PRSS3: variants seen among roughly 807,000 people sequenced by gnomAD.
The protein encoded by PRSS3 is serine protease 3, also known as trypsin-3.
A neutral mutation model predicts 20.8 loss-of-function variants in PRSS3; 14 were observed. The ratio of observed to expected loss-of-function variants is 0.67; its 90% CI spans 0.44 to 1.05. The LOEUF is 1.05. PRSS3 is among the 50% of genes least tolerant of loss of function. The pLI is 0.00. For synonymous variants in PRSS3, 91 were observed against 117.6 expected (o/e 0.77, Z 1.46); for missense variants, 237 against 306.4 (o/e 0.77, Z 1.69).
intron 1 of PRSS3, chr9:33,762,161 G>A (rs1420224054): frequency 6.6e-6 from 1 of 152,166 alleles, no homozygotes; most frequent in Non-Finnish European, 1.5e-5. Context: ...AACGAGCTGG[G>A]AGGTAACAGA....
intron 1 of PRSS3, among the ~76,000 whole-genome samples, chr9:33,766,531 C>G (rs1189054103): frequency 1.3e-5 from 2 of 151,914 alleles, no homozygotes; most frequent in African/African-American, 2.4e-5. Context: ...AGAGATCGCA[C>G]CACTGCGCTC....
intron 1 of PRSS3, among the ~76,000 whole-genome samples, chr9:33,758,619 T>C (rs1823053799): frequency 6.6e-6 from 1 of 152,252 alleles, no homozygotes; most frequent in Non-Finnish European, 1.5e-5. Context: ...GTGAAATTGA[T>C]ACTCCAGGAT....
intron 1 of PRSS3, among the ~76,000 whole-genome samples, chr9:33,769,987 C>G (rs1165933760): frequency 1.3e-5 from 2 of 152,188 alleles, no homozygotes; most frequent in African/African-American, 4.8e-5. Flanking sequence ...GAAATCCTGT[C>G]TCATATAAAT....
chr9:33,769,776 A>G (rs1823601440), intron 1 of PRSS3, among the ~76,000 whole-genome samples: 1 of 152,216 alleles, frequency 6.6e-6, no homozygotes. Flanking sequence ...TGGGGCCACC[A>G]TTTAGGGTAG....
chr9:33,774,752 G>A (rs1325823760), intron 1 of PRSS3, among the ~76,000 whole-genome samples: 4 of 152,070 alleles, frequency 2.6e-5, no homozygotes, highest in African/African-American at 4.8e-5. Context: ...TTGGGAGGCC[G>A]AGGCAGGTGG....
Position 33,796,755 on chromosome 9 carries a change from C to G in PRSS3, c.153C>G (p.Ser51=), listed in dbSNP as rs141275255. ...CTGGCTCCCACTTCTGCGGTGGCTC[C>G]CTCATCAGCGAACAGTGGGTGGTAT... is the stretch of plus-strand genomic sequence containing the variant. ...LNSGSHFCGG[S]LISEQWVVSA... is the part of the protein sequence containing the mutation. The change falls in exon 2 of 5, where the codon TCC becomes TCG. Residue 51 remains serine, a synonymous_variant. Coordinates refer to ENST00000379405, the MANE Select transcript of PRSS3 (RefSeq NM_002771.4). 1 of 1,614,030 alleles carries G rather than the reference C, an allele frequency of 6.2e-7. No individual in the cohort carries two copies. Among genetic ancestry groups the G allele is most frequent in the Admixed American group, 1.7e-5 (1 of 60,026 alleles).
chr9:33,767,482 A>C (rs141962378), intron 1 of PRSS3, among the ~76,000 whole-genome samples: 5,720 of 152,230 alleles, frequency 0.038, 151 homozygotes, highest in Non-Finnish European at 0.054. Flanking sequence ...TAATCAAGTT[A>C]AAATGAGGTC....
intron 1 of PRSS3, among the ~76,000 whole-genome samples, chr9:33,785,447 G>A (rs1320470238): frequency 6.6e-6 from 1 of 152,070 alleles, no homozygotes; most frequent in East Asian, 1.9e-4. Flanking sequence ...AAAGTGCTGG[G>A]ATTACAGGCG....
At chr9:33,764,604 G>A (rs1823342169) in intron 1 of PRSS3, among the ~76,000 whole-genome samples, 1 of 152,154 alleles carries the variant, frequency 6.6e-6, no homozygotes, top group South Asian at 2.1e-4. Context: ...AAACATAGAA[G>A]TGGGTTTTCT....
upstream of PRSS3, among the ~76,000 whole-genome samples, chr9:33,791,659 G>A (rs904030903): frequency 6.6e-6 from 1 of 152,198 alleles, no homozygotes. Flanking sequence ...CTGTCTAAGG[G>A]AGCCTGGACT....
At chr9:33,757,541 G>A (rs1823007356) in intron 1 of PRSS3, among the ~76,000 whole-genome samples, 1 of 151,502 alleles carries the variant, frequency 6.6e-6, no homozygotes, top group African/African-American at 2.4e-5. Flanking sequence ...CGTTTGATAG[G>A]AATGGTTCCT....
intron 1 of PRSS3, among the ~76,000 whole-genome samples, chr9:33,783,214 A>G (rs706139): frequency 0.97 from 147,483 of 152,308 alleles, 71,491 homozygotes; most frequent in Non-Finnish European, 1. Context: ...GTTAGCAGTG[A>G]GGAAAACTAA....
chr9:33,780,086 A>G (rs1824117608), intron 1 of PRSS3, among the ~76,000 whole-genome samples: 2 of 152,018 alleles, frequency 1.3e-5, no homozygotes, highest in African/African-American at 4.8e-5. Flanking sequence ...TTACTATATA[A>G]GACAACTATC....
At chr9:33,786,042 G>C in intron 1 of PRSS3, 1 of 261,204 alleles carries the variant, frequency 3.8e-6, no homozygotes, top group Non-Finnish European at 7.2e-6. Flanking sequence ...GACTCATCCT[G>C]AGTGAAGAGC....
intron 1 of PRSS3, among the ~76,000 whole-genome samples, chr9:33,760,901 A>G (rs1257903215): frequency 6.6e-6 from 1 of 152,160 alleles, no homozygotes; most frequent in Non-Finnish European, 1.5e-5. Flanking sequence ...AATTTAGTCC[A>G]ATTTGTTTTT....
chr9:33,764,220 C>T (rs1275756877), intron 1 of PRSS3, among the ~76,000 whole-genome samples: 1 of 152,222 alleles, frequency 6.6e-6, no homozygotes, highest in Non-Finnish European at 1.5e-5. Context: ...TCCTACCTCA[C>T]ACCATATACA....
rs1032490792 is a variant in PRSS3, at chr9:33,750,985, G to A, written c.-53+258G>A. The A allele has an allele frequency of 8.8e-6, 7 of 798,046 alleles. No homozygotes were observed. The Middle Eastern group carries it at 1.1e-3, about 128-fold the overall frequency. 49.4% of individuals were successfully genotyped at this position (798,046 alleles called of 1,614,324 possible). On this transcript the variant is annotated intron_variant, in intron 1 of 5. Coordinates refer to the PRSS3 transcript ENST00000342836. The surrounding 1 kb of genome is among the most constrained non-coding windows in gnomAD (Gnocchi z 4.8). ...CCACCTGGGGCCCCCTCCGGGCTGC[G>A]GCACCGATGCGCACACTACTCCCAC...
intron 1 of PRSS3, among the ~76,000 whole-genome samples, chr9:33,756,618 A>G (rs187354902): frequency 3.4e-4 from 52 of 152,230 alleles, no homozygotes; most frequent in Non-Finnish European, 5.6e-4. Flanking sequence ...TTTAGTTCTA[A>G]TAAATCTTCC....
intron 1 of PRSS3, among the ~76,000 whole-genome samples, chr9:33,762,407 C>T (rs1017202521): frequency 3.3e-5 from 5 of 152,176 alleles, no homozygotes; most frequent in African/African-American, 7.2e-5. Flanking sequence ...TTCAGGACTG[C>T]GGCCACAGTC....
Sources: allele counts gnomAD v4.1 joint callset (sites outside exome capture counted in the v4.1 genomes callset), GRCh38; gene constraint gnomAD v4.1.1; non-coding constraint Gnocchi (gnomAD v3.1); transcripts MANE v1.5; gene names NCBI Gene and HGNC (gene_info 2026-07-23, HGNC 2026-07-21).